PTK7: variants seen among roughly 807,000 people sequenced by gnomAD.
The protein encoded by PTK7 is protein tyrosine kinase 7 (inactive).
Under a neutral mutation model 116.6 loss-of-function variants are expected in PTK7, and 39 were observed. The observed-to-expected ratio is 0.33, with a 90% CI of 0.26 to 0.44. The LOEUF (loss-of-function observed/expected upper bound fraction) is 0.44, where lower values mean the gene tolerates loss of function less well. PTK7 is among the 20% of genes least tolerant of loss of function. PTK7 has a pLI of 1.00. For missense variants in PTK7, 1,169 were observed against 1,425.6 expected, an observed-to-expected ratio of 0.82 and a Z score of 2.90; for synonymous variants, 546 against 563.6, an observed-to-expected ratio of 0.97 and a Z score of 0.44.
chr6:43,144,985 C>T, intron 15 of PTK7: 1 of 449,306 alleles, frequency 2.2e-6, no homozygotes, highest in South Asian at 6.6e-5. Context: ...TCATGCGAGT[C>T]ACCCTTTGGA....
intron 1 of PTK7, among the ~76,000 whole-genome samples, chr6:43,118,153 A>C (rs981730713): frequency 6.7e-6 from 1 of 148,480 alleles, no homozygotes; most frequent in Non-Finnish European, 1.5e-5. Context: ...CTGTGATTCA[A>C]TACAGTGGTC....
rs1202364626 is a variant in PTK7, at chr6:43,076,841, G to A, written c.79+274G>A. 6.9e-7 allele frequency: 1 copy of A among 1,444,614 alleles called. No homozygotes were observed. Among genetic ancestry groups the A allele is most frequent in the Non-Finnish European group, 9.1e-7 (1 of 1,095,158 alleles). 89.5% of individuals were successfully genotyped at this position (1,444,614 alleles called of 1,614,324 possible). A position where few individuals can be genotyped will look rare whatever the true frequency, so the allele number is the denominator to read the frequency against. On this transcript the variant is annotated intron_variant, in intron 1 of 19. Coordinates refer to ENST00000230419, the MANE Select transcript of PTK7 (RefSeq NM_002821.5). The surrounding 1 kb of genome is among the most constrained non-coding windows in gnomAD (Gnocchi z 5.7). ...TGAGTTTTTCTGGTCTGAGCCGAGAGTTTGCTCGAGAACTGCCGAGAGTTG... is the reference window on the plus strand; with the variant it reads ...TGAGTTTTTCTGGTCTGAGCCGAGAATTTGCTCGAGAACTGCCGAGAGTTG...
intron 17 of PTK7, among the ~76,000 whole-genome samples, chr6:43,157,364 A>ATATATATATATATTTTTTT (rs70990168): frequency 7.4e-5 from 4 of 54,348 alleles, no homozygotes; most frequent in African/African-American, 7.2e-5. Context: ...ATATATATAT[A>ATATATATATATATTTTTTT]TTTTTTTTTT....
intron 1 of PTK7, among the ~76,000 whole-genome samples, chr6:43,099,867 C>T (rs577675412): frequency 2.6e-5 from 4 of 151,940 alleles, no homozygotes; most frequent in African/African-American, 9.7e-5. Flanking sequence ...TGCAGGAGTT[C>T]GAGACCAGCT....
intron 17 of PTK7, among the ~76,000 whole-genome samples, chr6:43,157,364 A>ATATATTTTTTTTTT (rs70990168): frequency 3.7e-5 from 2 of 54,362 alleles, no homozygotes; most frequent in Non-Finnish European, 6.5e-5. Flanking sequence ...ATATATATAT[A>ATATATTTTTTTTTT]TTTTTTTTTT....
intron 13 of PTK7, chr6:43,142,544 T>C (rs1484704177): frequency 3.1e-6 from 2 of 635,874 alleles, no homozygotes; most frequent in East Asian, 3.1e-5. Flanking sequence ...GGGGGTGTTC[T>C]CTTCCTACAA....
At chr6:43,155,580 T>C (rs918197955) in intron 17 of PTK7, among the ~76,000 whole-genome samples, 1 of 148,740 alleles carries the variant, frequency 6.7e-6, no homozygotes, top group Non-Finnish European at 1.5e-5. Context: ...GGAGGCGGAG[T>C]GGAGGTTGCA....
chr6:43,131,972 G>A, intron 5 of PTK7, 44 bp from the exon 6 acceptor site: 2 of 1,611,762 alleles, frequency 1.2e-6, no homozygotes, highest in Non-Finnish European at 1.7e-6. Context: ...TCCAGAACTA[G>A]GCCTATTGGC....
intron 1 of PTK7, among the ~76,000 whole-genome samples, chr6:43,126,993 CA>C (rs1769330501): frequency 6.6e-6 from 1 of 152,192 alleles, no homozygotes; most frequent in Non-Finnish European, 1.5e-5. Context: ...GGACCAACAC[CA>C]GGGGCAGCCC....
Position 43,158,853 on chromosome 6 carries a change from C to T in PTK7, c.2758C>T (p.His920Tyr). The T allele has an allele frequency of 6.2e-7, 1 of 1,614,194 alleles. No individual in the cohort carries two copies. Among genetic ancestry groups the T allele is most frequent in the Non-Finnish European group, 8.5e-7 (1 of 1,180,020 alleles). The change falls in exon 18 of 20, where the codon CAC becomes TAC. Residue 920 changes from histidine to tyrosine, a missense_variant. His to Tyr is a moderately conservative substitution (Grantham distance 83, BLOSUM62 2). Around this residue, in one of 3 missense-constraint regions of PTK7, gnomAD observed 678 missense variants for 853.8 expected, o/e 0.79. Coordinates refer to ENST00000230419, the MANE Select transcript of PTK7 (RefSeq NM_002821.5). The part of the protein sequence containing the change: ...LCTQVALGME[H>Y]LSNNRFVHKD... ...CACCCAGGTAGCCCTGGGCATGGAG[C>T]ACCTGTCCAACAACCGCTTTGTGCA...
intron 13 of PTK7, chr6:43,142,621 A>G: frequency 2.3e-6 from 1 of 430,396 alleles, no homozygotes; most frequent in Non-Finnish European, 4.4e-6. Context: ...GGACCAGGTC[A>G]GAATGCAGTA....
chr6:43,077,077 G>T, intron 1 of PTK7: 1 of 1,262,948 alleles, frequency 7.9e-7, no homozygotes, highest in Non-Finnish European at 1.0e-6. Context: ...CGACGTTCCC[G>T]GCTTCCCTCC....
Position 43,145,052 on chromosome 6 carries a change from A to G in PTK7, c.2408-148A>G. Reference sequence around the variant, plus strand: ...TTGTTGCTGCAGACACTGAAGCCTAAGGAGGGAGGGGGTCACAGCAGAACC... The same window carrying G: ...TTGTTGCTGCAGACACTGAAGCCTAGGGAGGGAGGGGGTCACAGCAGAACC... On this transcript the variant is annotated intron_variant, in intron 15 of 19. Coordinates refer to ENST00000230419, the MANE Select transcript of PTK7 (RefSeq NM_002821.5). The surrounding 1 kb of genome is among the most constrained non-coding windows in gnomAD (Gnocchi z 4.8). 3.4e-6 allele frequency: 2 copies of G among 595,840 alleles called. No homozygotes were observed. The highest frequency in any genetic ancestry group is 5.7e-6 in the Non-Finnish European group (2 of 348,806). 36.9% of individuals were successfully genotyped at this position (595,840 alleles called of 1,614,324 possible).
chr6:43,146,467 A>C, intron 16 of PTK7, 151 bp from the exon 17 acceptor site: 1 of 492,730 alleles, frequency 2.0e-6, no homozygotes, highest in Non-Finnish European at 3.3e-6. Context: ...CTGCACTCCC[A>C]GTGAACTTCC....
intron 1 of PTK7, among the ~76,000 whole-genome samples, chr6:43,128,461 T>C (rs1537638): frequency 0.39 from 59,891 of 152,130 alleles, 12,439 homozygotes; most frequent in African/African-American, 0.49. Context: ...TGTGTCTTTG[T>C]ATCCTACAGA....
intron 1 of PTK7, among the ~76,000 whole-genome samples, chr6:43,102,357 G>A (rs765948140): frequency 1.3e-5 from 2 of 152,154 alleles, no homozygotes; most frequent in Non-Finnish European, 1.5e-5. Flanking sequence ...CCCGGGAGAT[G>A]GAGGTTGCAG....
intron 1 of PTK7, among the ~76,000 whole-genome samples, chr6:43,128,436 T>C (rs1161657775): frequency 6.6e-6 from 1 of 152,230 alleles, no homozygotes; most frequent in Non-Finnish European, 1.5e-5. Flanking sequence ...TTCAGACCTC[T>C]TGAGGAGAGG....
chr6:43,104,415 A>G (rs942983727), intron 1 of PTK7, among the ~76,000 whole-genome samples: 10 of 152,208 alleles, frequency 6.6e-5, no homozygotes, highest in South Asian at 6.2e-4. Flanking sequence ...TTTTAAAATT[A>G]TTTATTTATT....
intron 1 of PTK7, among the ~76,000 whole-genome samples, chr6:43,112,164 T>TTCCA (rs1561950970): frequency 3.9e-5 from 6 of 152,196 alleles, no homozygotes; most frequent in African/African-American, 9.6e-5. Context: ...TACAGTTACA[T>TTCCA]GTTTTGTAAA....
Sources: gnomAD v4.1 joint callset for allele counts (sites outside exome capture counted in the v4.1 genomes callset) on GRCh38, gnomAD v4.1.1 for gene constraint, gnomAD v4.1.1 regional missense constraint, Gnocchi (gnomAD v3.1) non-coding constraint, MANE v1.5 for transcripts, NCBI Gene and HGNC (gene_info 2026-07-23, HGNC 2026-07-21) for gene names.